The following SP110 variants were observed in gnomAD, a reference collection of about 807,000 sequenced individuals.
SP110 encodes SP110 nuclear body protein, also known as interferon-induced protein 41, 30kD.
Under a neutral mutation model 92.7 loss-of-function variants are expected in SP110, and 62 were observed. That is an observed-to-expected ratio of 0.67 (90% CI 0.55 to 0.83). The LOEUF (loss-of-function observed/expected upper bound fraction) is 0.83, where lower values mean the gene tolerates loss of function less well. Ranked by LOEUF, SP110 falls within the 40% of genes least tolerant of loss-of-function variation. The pLI, the probability that SP110 is intolerant of heterozygous loss-of-function variation, is 0.00. For missense variants in SP110, 793 were observed against 863.9 expected (o/e 0.92, Z 1.03); for synonymous variants, 273 against 305.3 (o/e 0.89, Z 1.10).
At chr2:230,185,723 G>A (rs1201560308) in intron 11 of SP110, among the ~76,000 whole-genome samples, 1 of 152,164 alleles carries the variant, frequency 6.6e-6, no homozygotes, top group Non-Finnish European at 1.5e-5. Context: ...AGAGAGTAGT[G>A]GTGACTCTAA....
chr2:230,194,732 T>A (rs930032), intron 10 of SP110, among the ~76,000 whole-genome samples: 116,231 of 152,162 alleles, frequency 0.76, 44,515 homozygotes, highest in Admixed American at 0.83. Flanking sequence ...GATTTAGGTT[T>A]CTTGTGTCTA....
At chr2:230,223,566 A>C (rs2045991254), upstream of SP110, among the ~76,000 whole-genome samples, 1 of 152,210 alleles carries the variant, frequency 6.6e-6, no homozygotes, top group Non-Finnish European at 1.5e-5. Flanking sequence ...CTGACTGATA[A>C]AAATGTTGGG....
rs201739587 is a variant in SP110, at chr2:230,208,027, G to T, written c.862C>A (p.Pro288Thr). ...KKRKRCIWSTPKRRHKKKSLP... is the reference protein window; with the variant it reads ...KKRKRCIWSTTKRRHKKKSLP... The stretch of plus-strand genomic sequence containing the variant: ...CTTTTTTTCTTATGTCTCCTTTTTG[G>T]AGTTGACCAGATACATCTTTTTCTT... Residue 288 changes from proline to threonine, a missense_variant, in exon 8 of 19, where the codon CCA becomes ACA. By Grantham distance (38) the Pro-to-Thr change is conservative (BLOSUM62 -1). Transcript: ENST00000258381. The T allele has an allele frequency of 1.3e-6, 2 of 1,566,142 alleles. No homozygotes were observed. Among genetic ancestry groups the T allele is most frequent in the Non-Finnish European group, 1.8e-6 (2 of 1,138,670 alleles).
chr2:230,204,100 A>G (rs2043489751), intron 8 of SP110, among the ~76,000 whole-genome samples: 1 of 152,236 alleles, frequency 6.6e-6, no homozygotes, highest in African/African-American at 2.4e-5. Flanking sequence ...CTTTTAAAAA[A>G]CCTGAAAAAT....
chr2:230,170,559 C>T, intron 18 of SP110, 62 bp downstream of exon 18: 5 of 1,592,810 alleles, frequency 3.1e-6, no homozygotes, highest in African/African-American at 1.3e-5. Context: ...CAAAATTCTG[C>T]TGTCCCAGAA....
chr2:230,202,469 C>A (rs919000549), intron 9 of SP110, 110 bp downstream of exon 9: 5 of 1,011,970 alleles, frequency 4.9e-6, no homozygotes, highest in Non-Finnish European at 7.6e-6. Context: ...ATTCTCTGTA[C>A]TTTTTCCTTT....
chr2:230,178,700 G>A (rs2041980366), intron 12 of SP110, among the ~76,000 whole-genome samples: 1 of 152,136 alleles, frequency 6.6e-6, no homozygotes, highest in Non-Finnish European at 1.5e-5. Context: ...GGCACTGAGG[G>A]GATGGTGTCA....
chr2:230,191,688 G>A (rs376358406), intron 10 of SP110, among the ~76,000 whole-genome samples: 1 of 152,072 alleles, frequency 6.6e-6, no homozygotes, highest in African/African-American at 2.4e-5. Flanking sequence ...ATTCACAGCT[G>A]ATTCTACCAG....
chr2:230,192,241 C>T (rs1006786753), intron 10 of SP110, among the ~76,000 whole-genome samples: 1 of 152,216 alleles, frequency 6.6e-6, no homozygotes, highest in Non-Finnish European at 1.5e-5. Context: ...AGGATGCCCT[C>T]TCTCACCATT....
chr2:230,209,963 T>A lies in SP110; in HGVS notation c.797A>T (p.Gln266Leu), dbSNP rs377293393. Residue 266 changes from glutamine (Q) to leucine (L), a missense_variant, in exon 7 of 19, where the codon CAG (glutamine) becomes CTG (leucine). Physicochemically the swap from Gln to Leu is moderately radical, Grantham distance 113. Coordinates refer to ENST00000258381, the MANE Select transcript of SP110 (RefSeq NM_080424.4). ...SPEPNDPEEPQEVSSTPSDKK... is the reference protein window; with the variant it reads ...SPEPNDPEEPLEVSSTPSDKK... The stretch of plus-strand genomic sequence containing the variant: ...GTCTGAAGGTGTGCTGGACACCTCC[T>A]GGGGCTCTTCTGGGTCATTTGGTTC... 1.2e-6 allele frequency: 2 copies of A among 1,610,456 alleles called. No homozygotes were observed. Among genetic ancestry groups the A allele is most frequent in the African/African-American group, 2.7e-5 (2 of 74,852 alleles).
At chr2:230,181,544 T>TGAGGTCTGAGGGCA (rs2042127449) in intron 12 of SP110, among the ~76,000 whole-genome samples, 1 of 152,096 alleles carries the variant, frequency 6.6e-6, no homozygotes, top group African/African-American at 2.4e-5. Flanking sequence ...ACATTTAAGG[T>TGAGGTCTGAGGGCA]GAGGTCTGAG....
chr2:230,179,579 G>T (rs2042034838), intron 12 of SP110, among the ~76,000 whole-genome samples: 2 of 151,906 alleles, frequency 1.3e-5, no homozygotes, highest in African/African-American at 2.4e-5. Context: ...TATCAAATTT[G>T]AGTGGGAAAT....
rs1233809590 is a variant in SP110 at position 230,165,258 on chromosome 2, A to C, written c.*3866T>G. On this transcript the variant is annotated 3_prime_UTR_variant, in exon 19 of 19. Coordinates refer to ENST00000258381, the MANE Select transcript of SP110 (RefSeq NM_080424.4). The stretch of plus-strand genomic sequence containing the variant: ...TATGAAAACAATAGAACACATTCTA[A>C]GATATGGTGAATCAGAAAACATACC... Among the ~76,000 whole-genome samples, 4 of 152,274 alleles carry C rather than the reference A, an allele frequency of 2.6e-5. No homozygotes were observed. Among genetic ancestry groups the C allele is most frequent in the African/African-American group, 9.6e-5 (4 of 41,472 alleles).
chr2:230,212,440 G>C lies in SP110; in HGVS notation c.584-10C>G, dbSNP rs148591984. 4,357 of 1,586,492 alleles carry C rather than the reference G, an allele frequency of 2.7e-3. 10 individuals are homozygous for C. Among genetic ancestry groups the C allele is most frequent in the Non-Finnish European group, 3.5e-3 (3,989 of 1,154,702 alleles). On this transcript the variant is annotated splice_polypyrimidine_tract_variant and intron_variant, in intron 4 of 18. Coordinates refer to ENST00000258381, the MANE Select transcript of SP110 (RefSeq NM_080424.4). ...AACTTGTCATTGGTCACTGAAGGAG[G>C]AAAGGAAATTATTACAGATTGCAGG...
chr2:230,182,982 C>G (rs1007436305), intron 12 of SP110, among the ~76,000 whole-genome samples: 2 of 152,304 alleles, frequency 1.3e-5, no homozygotes, highest in East Asian at 3.9e-4. Context: ...GGGACCCCAC[C>G]TTGGGTAGCA....
rs557840697 is a variant in SP110 at position 230,200,787 on chromosome 2, G to GA, written c.1129+97dup. ...AAGGGCTCTCTAGCACAGTAATAAT[G>GA]AAAAAAAAAAGTTAAGAAATATTGC... On this transcript the variant is annotated intron_variant, in intron 10 of 18. Coordinates refer to ENST00000258381, the MANE Select transcript of SP110 (RefSeq NM_080424.4). 6,956 of 838,406 alleles carry GA rather than the reference G, an allele frequency of 8.3e-3. 1 individual carries two copies. Among genetic ancestry groups the GA allele is most frequent in the Non-Finnish European group, 0.01 (5,295 of 512,890 alleles). 51.9% of individuals were successfully genotyped at this position (838,406 alleles called of 1,614,324 possible).
chr2:230,207,632 T>G (rs1377374454), intron 8 of SP110, among the ~76,000 whole-genome samples: 1 of 152,214 alleles, frequency 6.6e-6, no homozygotes, highest in Non-Finnish European at 1.5e-5. Context: ...GAGTGGGCCT[T>G]GATTTTTCTC....
In SP110 at chr2:230,211,705, C is replaced by A; in HGVS notation, c.668-152G>T. On this transcript the variant is annotated intron_variant, in intron 5 of 18. Coordinates refer to ENST00000258381, the MANE Select transcript of SP110 (RefSeq NM_080424.4). The surrounding 1 kb of genome is among the most constrained non-coding windows in gnomAD (Gnocchi z 4.2). ...GGATGGCATAGAGTGGGAAAGTAAG[C>A]AACCATTCACTCTCAATTAGCCACT... 1.5e-6 allele frequency: 1 copy of A among 662,058 alleles called. No individual in the cohort carries two copies. The highest frequency in any genetic ancestry group is 2.7e-6 in the Non-Finnish European group (1 of 365,374). 41.0% of individuals were successfully genotyped at this position (662,058 alleles called of 1,614,324 possible).
At chr2:230,218,516 G>T (rs1213866867) in intron 1 of SP110, among the ~76,000 whole-genome samples, 2 of 152,176 alleles carry the variant, frequency 1.3e-5, no homozygotes, top group African/African-American at 4.8e-5. Flanking sequence ...CAAAGTCAGA[G>T]AAAGGCAGAG....
Sources: allele counts gnomAD v4.1 joint callset (sites outside exome capture counted in the v4.1 genomes callset), GRCh38; gene constraint gnomAD v4.1.1; non-coding constraint Gnocchi (gnomAD v3.1); transcripts MANE v1.5; gene names NCBI Gene and HGNC (gene_info 2026-07-23, HGNC 2026-07-21).